The following ADARB2 variants were observed in gnomAD, a reference collection of about 807,000 sequenced individuals.
The protein encoded by ADARB2 is inactive double-stranded RNA-specific editase B2.
In ADARB2, 25 loss-of-function variants were observed where a neutral mutation model predicts 62.2. That is an observed-to-expected ratio of 0.40 (90% confidence interval 0.29 to 0.56). The LOEUF (loss-of-function observed/expected upper bound fraction) is 0.56. Among genes scored for constraint, ADARB2 ranks in the 20% least tolerant of loss-of-function variants. The pLI, the probability that ADARB2 is intolerant of heterozygous loss-of-function variation, is 0.43. For synonymous variants in ADARB2, 572 were observed against 500.8 expected, an observed-to-expected ratio of 1.14 and a Z score of -1.90; for missense variants, 1,071 against 1,077.4, an observed-to-expected ratio of 0.99 and a Z score of 0.08.
intron 1 of ADARB2, among the ~76,000 whole-genome samples, chr10:1,566,080 A>C (rs796477696): frequency 0.025 from 2,627 of 103,310 alleles, 212 homozygotes; most frequent in African/African-American, 0.06. Flanking sequence ...AAAAAAAAAA[A>C]AAAAAAAAAA....
At chr10:1,579,376 A>T (rs1482400407) in intron 1 of ADARB2, among the ~76,000 whole-genome samples, 1 of 152,228 alleles carries the variant, frequency 6.6e-6, no homozygotes, top group Non-Finnish European at 1.5e-5. Flanking sequence ...TTTTTAAAGA[A>T]AGATGAAAAT....
intron 6 of ADARB2, among the ~76,000 whole-genome samples, chr10:1,227,169 A>G (rs1450246409): frequency 6.6e-6 from 1 of 152,234 alleles, no homozygotes; most frequent in African/African-American, 2.4e-5. Context: ...CTGTGCTAGC[A>G]ATCAGCGAGA....
chr10:1,498,156 TG>T (rs1831715528), intron 1 of ADARB2, among the ~76,000 whole-genome samples: 1 of 152,072 alleles, frequency 6.6e-6, no homozygotes, highest in Admixed American at 6.6e-5. Context: ...GTGGATCACC[TG>T]GGGTCAGGAG....
chr10:1,634,091 C>G (rs898400897), intron 1 of ADARB2, among the ~76,000 whole-genome samples: 1 of 152,154 alleles, frequency 6.6e-6, no homozygotes, highest in African/African-American at 2.4e-5. Flanking sequence ...CCCTCGCCTG[C>G]TCCCACCTGC....
intron 1 of ADARB2, among the ~76,000 whole-genome samples, chr10:1,666,625 C>T (rs911577578): frequency 3.9e-5 from 6 of 152,204 alleles, no homozygotes; most frequent in South Asian, 2.1e-4. Flanking sequence ...TGCTAGAAAC[C>T]GTCTCATCAA....
At chr10:1,510,112 CTTTCTTTCTTTCTTTCTTT>C (rs1831910168) in intron 1 of ADARB2, among the ~76,000 whole-genome samples, 1 of 72,646 alleles carries the variant, frequency 1.4e-5, no homozygotes, top group African/African-American at 6.5e-5. Flanking sequence ...TTCTTTCTCT[CTTTCTTTCTTTCTTTCTTT>C]CTTTCTTTCT....
At chr10:1,602,739 C>T (rs1833434561) in intron 1 of ADARB2, among the ~76,000 whole-genome samples, 2 of 149,774 alleles carry the variant, frequency 1.3e-5, no homozygotes, top group Non-Finnish European at 3.0e-5. Flanking sequence ...TACATACAGA[C>T]ACACAACACA....
chr10:1,603,300 G>A (rs1588319619), intron 1 of ADARB2, among the ~76,000 whole-genome samples: 1 of 152,194 alleles, frequency 6.6e-6, no homozygotes, highest in African/African-American at 2.4e-5. Flanking sequence ...CCATGGCTAT[G>A]GCTCTTCCTG....
At position 1,426,642 on chromosome 10, in the gene ADARB2, G is replaced by A. The variant is rs922146955; in HGVS notation, c.101-47482C>T. On this transcript the variant is annotated intron_variant, in intron 1 of 9. Coordinates refer to ENST00000381312, the MANE Select transcript of ADARB2 (RefSeq NM_018702.4). The surrounding 1 kb of genome is among the most constrained non-coding windows in gnomAD (Gnocchi z 4.1). Reference sequence around the variant, plus strand: ...TCTTCCATTTGATAAGGTGAGGAGCGTGAATGGATGGAGCTGAGCTTCTGA... The same window carrying A: ...TCTTCCATTTGATAAGGTGAGGAGCATGAATGGATGGAGCTGAGCTTCTGA... Among the ~76,000 whole-genome samples, 4 of 152,174 alleles carry A rather than the reference G, an allele frequency of 2.6e-5. No individual in the cohort carries two copies. Among genetic ancestry groups the A allele is most frequent in the Non-Finnish European group, 2.9e-5 (2 of 68,034 alleles).
At chr10:1,312,919 A>T (rs769382411) in intron 3 of ADARB2, among the ~76,000 whole-genome samples, 1 of 152,094 alleles carries the variant, frequency 6.6e-6, no homozygotes, top group Admixed American at 6.5e-5. Flanking sequence ...CCATCTTTTT[A>T]TAGATGGTGG....
chr10:1,680,443 C>T (rs1002472000), intron 1 of ADARB2, among the ~76,000 whole-genome samples: 1 of 152,088 alleles, frequency 6.6e-6, no homozygotes, highest in African/African-American at 2.4e-5. Context: ...GTAAAGACTG[C>T]TGATCGTCTT....
At chr10:1,481,828 G>T (rs1271258234) in intron 1 of ADARB2, among the ~76,000 whole-genome samples, 1 of 144,266 alleles carries the variant, frequency 6.9e-6, no homozygotes, top group Non-Finnish European at 1.5e-5. Flanking sequence ...CTGCACTCCA[G>T]CCTGGACGAC....
chr10:1,402,875 C>T (rs1465017418), intron 1 of ADARB2, among the ~76,000 whole-genome samples: 1 of 152,250 alleles, frequency 6.6e-6, no homozygotes, highest in East Asian at 1.9e-4. Flanking sequence ...TTCAAGATGG[C>T]GCCAGCAGAG....
chr10:1,286,660 T>C (rs745604069), intron 3 of ADARB2, among the ~76,000 whole-genome samples: 13 of 152,068 alleles, frequency 8.5e-5, no homozygotes, highest in African/African-American at 2.4e-4. Flanking sequence ...TACGGGGCAA[T>C]TGGGGTCTCT....
At chr10:1,366,384 C>T (rs986688935) in intron 2 of ADARB2, among the ~76,000 whole-genome samples, 1 of 152,168 alleles carries the variant, frequency 6.6e-6, no homozygotes, top group Non-Finnish European at 1.5e-5. Flanking sequence ...TGGGTCCATA[C>T]TACCCTCGCT....
chr10:1,569,457 C>T (rs780017756), intron 1 of ADARB2, among the ~76,000 whole-genome samples: 9 of 152,340 alleles, frequency 5.9e-5, no homozygotes, highest in Admixed American at 2.0e-4. Flanking sequence ...AATCCTCTCT[C>T]ATTCCCAGAG....
chr10:1,446,335 G>A (rs191823580), intron 1 of ADARB2, among the ~76,000 whole-genome samples: 6 of 152,232 alleles, frequency 3.9e-5, no homozygotes, highest in East Asian at 1.9e-4. Flanking sequence ...TACACAAATC[G>A]TCATAGTAAG....
chr10:1,271,826 T>A (rs892242885), intron 3 of ADARB2, among the ~76,000 whole-genome samples: 1 of 152,178 alleles, frequency 6.6e-6, no homozygotes, highest in African/African-American at 2.4e-5. Context: ...GGCCCCAAGC[T>A]TTTCTTCGGG....
At chr10:1,590,861 G>A (rs1286958882) in intron 1 of ADARB2, among the ~76,000 whole-genome samples, 3 of 152,134 alleles carry the variant, frequency 2.0e-5, no homozygotes, top group Non-Finnish European at 2.9e-5. Flanking sequence ...ACCGTGCGTC[G>A]TCTGCTGCAG....
Sources: gnomAD v4.1 joint callset for allele counts (sites outside exome capture counted in the v4.1 genomes callset) on GRCh38, gnomAD v4.1.1 for gene constraint, Gnocchi (gnomAD v3.1) non-coding constraint, MANE v1.5 for transcripts, NCBI Gene and HGNC (gene_info 2026-07-23, HGNC 2026-07-21) for gene names.